The following C5 variants were observed in gnomAD, a reference collection of about 807,000 sequenced individuals.
The protein encoded by C5 is C3 and PZP-like alpha-2-macroglobulin domain-containing protein 4.
C5 carries 140 observed loss-of-function variants against 218.8 expected under a neutral mutation model. The ratio of observed to expected loss-of-function variants is 0.64; its 90% CI spans 0.56 to 0.74. C5 has a LOEUF of 0.74. C5 is among the 30% of genes least tolerant of loss of function. C5 has a pLI of 0.00. For missense variants in C5, 1,700 were observed against 1,969.6 expected, an observed-to-expected ratio of 0.86 and a Z score of 2.59; for synonymous variants, 614 against 682.3, an observed-to-expected ratio of 0.90 and a Z score of 1.56.
chr9:121,011,603 A>T (rs903881501), intron 17 of C5, among the ~76,000 whole-genome samples: 1 of 152,210 alleles, frequency 6.6e-6, no homozygotes, highest in Non-Finnish European at 1.5e-5. Flanking sequence ...CTACCATATG[A>T]TCTGGCAATC....
intron 40 of C5, 26 bp downstream of exon 40, chr9:120,953,704 G>C: frequency 6.2e-7 from 1 of 1,612,070 alleles, no homozygotes; most frequent in South Asian, 1.1e-5. Flanking sequence ...GGGAAGATCA[G>C]TGACTGAAAA....
chr9:121,039,134 C>T (rs965822110), intron 3 of C5, among the ~76,000 whole-genome samples: 1 of 152,198 alleles, frequency 6.6e-6, no homozygotes, highest in Non-Finnish European at 1.5e-5. Flanking sequence ...CTAGTGTGTG[C>T]TCATAGTGTC....
At chr9:121,040,324 A>G (rs1261673777) in intron 3 of C5, among the ~76,000 whole-genome samples, 3 of 152,160 alleles carry the variant, frequency 2.0e-5, no homozygotes, top group African/African-American at 4.8e-5. Flanking sequence ...TTGTGTCTAT[A>G]GAGGGTGGGG....
Position 121,025,510 on chromosome 9 carries a change from A to G in C5, c.944T>C (p.Leu315Ser). 1 of 1,612,894 alleles carries G rather than the reference A, an allele frequency of 6.2e-7. No homozygotes were observed. The highest frequency in any genetic ancestry group is 8.5e-7 in the Non-Finnish European group (1 of 1,179,562). The change falls in exon 9 of 41, where the codon TTA (leucine) becomes TCA (serine). Residue 315 changes from leucine to serine, a missense_variant. Transcript: ENST00000223642. ...TAVKELSYYS[L>S]EDLNNKYLYI... The stretch of plus-strand genomic sequence containing the variant: ...AAGGTACTTGTTGTTTAAATCTTCT[A>G]AACTGTAGTATGACAGTTCTTTGAC...
At chr9:120,974,961 TGTTTA>T in intron 29 of C5, 30 bp from the exon 30 acceptor site, 1 of 1,613,420 alleles carries the variant, frequency 6.2e-7, no homozygotes, top group Non-Finnish European at 8.5e-7. Flanking sequence ...CACAAAAATA[TGTTTA>T]GTTTATTTAT....
chr9:120,999,368 G>C (rs543530987), intron 20 of C5, among the ~76,000 whole-genome samples: 1 of 152,184 alleles, frequency 6.6e-6, no homozygotes, highest in Non-Finnish European at 1.5e-5. Context: ...CTGAGGGCAG[G>C]TCCCATTGGT....
At chr9:121,054,949 G>C (rs916034064), upstream of C5, among the ~76,000 whole-genome samples, 9 of 151,904 alleles carry the variant, frequency 5.9e-5, no homozygotes, top group Non-Finnish European at 1.2e-4. Flanking sequence ...ATTCATCAAC[G>C]TAACAAGAAC....
rs2047061542 is a variant in C5 at position 120,989,659 on chromosome 9, A to C, written c.3063T>G (p.Val1021=). 6.2e-7 allele frequency: 1 copy of C among 1,613,824 alleles called. No homozygotes were observed. The highest frequency in any genetic ancestry group is 1.7e-5 in the Admixed American group (1 of 60,002). Residue 1021 remains valine (V), a synonymous_variant, in exon 24 of 41, where the codon GTT becomes GTG. Transcript: ENST00000223642. Reference sequence around the variant, plus strand: ...GATTTCCTGTTTCCAGGTAGTGAAAAACATAGAATACTGGGACAACGCTCA... The same window carrying C: ...GATTTCCTGTTTCCAGGTAGTGAAACACATAGAATACTGGGACAACGCTCA... ...ELMSVVPVFY[V]FHYLETGNHW...
chr9:120,990,634 T>C (rs547399385), intron 23 of C5, among the ~76,000 whole-genome samples: 3 of 152,296 alleles, frequency 2.0e-5, no homozygotes, highest in South Asian at 4.2e-4. Flanking sequence ...GCAACATATA[T>C]CCTCATGGAA....
At chr9:120,998,480 A>T (rs898140040) in intron 20 of C5, among the ~76,000 whole-genome samples, 3 of 152,230 alleles carry the variant, frequency 2.0e-5, no homozygotes, top group African/African-American at 7.2e-5. Context: ...CTTTTAGCTC[A>T]GCCTCTGGTA....
intron 3 of C5, among the ~76,000 whole-genome samples, chr9:121,042,083 C>T (rs2047586511): frequency 6.6e-6 from 1 of 152,182 alleles, no homozygotes; most frequent in Admixed American, 6.5e-5. Flanking sequence ...TTTCTCTGTC[C>T]TCCTCCAAGA....
rs1289539298 is a variant in C5 at position 120,997,749 on chromosome 9, T to G, written c.2588A>C (p.Glu863Ala). 1 of 1,613,898 alleles carries G rather than the reference T, an allele frequency of 6.2e-7. No homozygotes were observed. The highest frequency in any genetic ancestry group is 8.5e-7 in the Non-Finnish European group (1 of 1,179,976). The change falls in exon 21 of 41, where the codon GAG becomes GCG. Residue 863 changes from glutamate (E) to alanine (A), a missense_variant. Glu to Ala is a moderately radical substitution (Grantham distance 107). Transcript: ENST00000223642. The stretch of plus-strand genomic sequence containing the variant: ...TGGGCTTTCCGAAGTGCAGATTCCC[T>G]CCACAGCAGACATTTTAACACAGAA... ...MQFCVKMSAV[E>A]GICTSESPVI...
intron 3 of C5, among the ~76,000 whole-genome samples, chr9:121,040,464 T>A (rs1234102263): frequency 6.6e-6 from 1 of 152,208 alleles, no homozygotes; most frequent in Non-Finnish European, 1.5e-5. Flanking sequence ...ATGCTTACAC[T>A]AAAAATCCCT....
intron 17 of C5, among the ~76,000 whole-genome samples, chr9:121,013,301 A>C: frequency 6.8e-6 from 1 of 148,030 alleles, no homozygotes; most frequent in African/African-American, 2.6e-5. Flanking sequence ...CCTGGGTGAC[A>C]GAGCCAGATT....
Position 120,969,137 on chromosome 9 carries a change from A to C in C5, c.4163-19T>G, listed in dbSNP as rs1292548278. Reference sequence around the variant, plus strand: ...TGGGATGCTGGCACATAAGACAAGAAAACAAACAGACAAATATAAGAGTAA... The same window carrying C: ...TGGGATGCTGGCACATAAGACAAGACAACAAACAGACAAATATAAGAGTAA... On this transcript the variant is annotated intron_variant, in intron 32 of 40. Coordinates refer to ENST00000223642, the MANE Select transcript of C5 (RefSeq NM_001735.3). 6 of 1,607,996 alleles carry C rather than the reference A, an allele frequency of 3.7e-6. No individual in the cohort carries two copies. Among genetic ancestry groups the C allele is most frequent in the East Asian group, 4.5e-5 (2 of 44,844 alleles).
intron 24 of C5, among the ~76,000 whole-genome samples, chr9:120,989,364 C>G (rs756737785): frequency 8.5e-5 from 13 of 152,126 alleles, no homozygotes; most frequent in Admixed American, 2.0e-4. Flanking sequence ...AATGCAGGTG[C>G]CTTGCCTCTC....
intron 10 of C5, among the ~76,000 whole-genome samples, chr9:121,022,550 C>A (rs866609864): frequency 6.1e-5 from 9 of 148,432 alleles, no homozygotes; most frequent in Middle Eastern, 3.5e-3. Flanking sequence ...CCTTTTTTTT[C>A]TTAAAAGCCC....
intron 25 of C5, among the ~76,000 whole-genome samples, chr9:120,983,263 T>G (rs1228548725): frequency 6.6e-6 from 1 of 152,186 alleles, no homozygotes; most frequent in Non-Finnish European, 1.5e-5. Flanking sequence ...GGAGTGTTTA[T>G]CTCACTTGTC....
In C5 at chr9:120,962,660, G is replaced by GA. The variant is rs763961337; in HGVS notation, c.4504+10dup. The GA allele has an allele frequency of 6.5e-7, 1 of 1,541,174 alleles. No homozygotes were observed. Among genetic ancestry groups the GA allele is most frequent in the African/African-American group, 1.4e-5 (1 of 73,430 alleles). The stretch of plus-strand genomic sequence containing the variant: ...ATTCTTCTGAAGAAATGTTAGCATG[G>GA]AGTTGATTACCTGGTCTGTGGTATT... On this transcript the variant is annotated intron_variant, in intron 36 of 40. Coordinates refer to ENST00000223642, the MANE Select transcript of C5 (RefSeq NM_001735.3).
Sources: gnomAD v4.1 joint callset for allele counts (sites outside exome capture counted in the v4.1 genomes callset) on GRCh38, gnomAD v4.1.1 for gene constraint, MANE v1.5 for transcripts, NCBI Gene and HGNC (gene_info 2026-07-23, HGNC 2026-07-21) for gene names.